GRM5: variants seen among roughly 807,000 people sequenced by gnomAD.
The protein encoded by GRM5 is glutamate metabotropic receptor 5.
GRM5 carries 19 observed loss-of-function variants against 83.1 expected under a neutral mutation model. That is an observed-to-expected ratio of 0.23 (90% CI 0.16 to 0.34). The LOEUF (loss-of-function observed/expected upper bound fraction) is 0.34, where lower values mean the gene tolerates loss of function less well. Ranked by LOEUF, GRM5 falls within the 10% of genes least tolerant of loss-of-function variation. The pLI is 1.00. For synonymous variants in GRM5, 675 were observed against 633.6 expected (o/e 1.07, Z -0.98); for missense variants, 1,160 against 1,588.3 (o/e 0.73, Z 4.58).
chr11:88,783,538 TA>T (rs1267846235), intron 3 of GRM5, among the ~76,000 whole-genome samples: 2 of 152,124 alleles, frequency 1.3e-5, no homozygotes, highest in Non-Finnish European at 2.9e-5. Context: ...GCAAATGTCA[TA>T]GTTTGAGCAG....
chr11:88,723,615 G>C (rs1941602156), intron 3 of GRM5, among the ~76,000 whole-genome samples: 3 of 151,852 alleles, frequency 2.0e-5, no homozygotes, highest in Admixed American at 2.0e-4. Flanking sequence ...AAAGATGTGG[G>C]AAACCTCTGA....
intron 3 of GRM5, among the ~76,000 whole-genome samples, chr11:88,655,076 G>A (rs1939733043): frequency 6.6e-6 from 1 of 152,074 alleles, no homozygotes; most frequent in African/African-American, 2.4e-5. Flanking sequence ...AGTCCTCCAT[G>A]ACAAAAAGAT....
At chr11:88,674,044 C>T (rs943441626) in intron 3 of GRM5, among the ~76,000 whole-genome samples, 15 of 151,844 alleles carry the variant, frequency 9.9e-5, no homozygotes, top group African/African-American at 3.6e-4. Context: ...AGAATCAACA[C>T]ATCTCATTTG....
chr11:88,808,072 T>C (rs1439312431), intron 3 of GRM5, among the ~76,000 whole-genome samples: 1 of 152,038 alleles, frequency 6.6e-6, no homozygotes, highest in Non-Finnish European at 1.5e-5. Context: ...CTATATAATA[T>C]CTACTATTCA....
intron 2 of GRM5, among the ~76,000 whole-genome samples, chr11:88,951,582 T>C (rs1340573661): frequency 6.6e-6 from 1 of 152,192 alleles, no homozygotes; most frequent in African/African-American, 2.4e-5. Context: ...AGAAAGAGCA[T>C]AGTATGGTAG....
At chr11:88,753,190 T>C (rs886656845) in intron 3 of GRM5, among the ~76,000 whole-genome samples, 7 of 152,174 alleles carry the variant, frequency 4.6e-5, no homozygotes, top group African/African-American at 1.7e-4. Flanking sequence ...GGGGAAATTT[T>C]CTGCAATCTA....
At chr11:88,709,232 G>A (rs1297690971) in intron 3 of GRM5, among the ~76,000 whole-genome samples, 4 of 151,882 alleles carry the variant, frequency 2.6e-5, no homozygotes, top group Non-Finnish European at 5.9e-5. Context: ...AGTGGCATGT[G>A]CAAAGACATA....
rs978337125 is a variant in GRM5 at position 88,505,207 on chromosome 11, A to G, written c.*3385T>C. On this transcript the variant is annotated 3_prime_UTR_variant, in exon 10 of 10. Coordinates refer to ENST00000305447, the MANE Select transcript of GRM5 (RefSeq NM_001143831.3). ...CAGTATAAAATTGTAAATGGTAACT[A>G]TAGAGATTCTGACAGCTTGAGGGTT... The G allele has an allele frequency of 8.5e-5, 13 of 152,208 alleles. No homozygotes were observed. The highest frequency in any genetic ancestry group is 2.9e-4 in the African/African-American group (12 of 41,458). 9.4% of individuals were successfully genotyped at this position (152,208 alleles called of 1,614,324 possible).
At chr11:88,984,751 A>T (rs761184888) in intron 2 of GRM5, 1 of 720,170 alleles carries the variant, frequency 1.4e-6, no homozygotes, top group East Asian at 2.6e-5. Flanking sequence ...AAAGAAAGGT[A>T]TTTATTTGAA....
chr11:88,591,782 G>T (rs1937645344), intron 6 of GRM5, among the ~76,000 whole-genome samples: 1 of 152,166 alleles, frequency 6.6e-6, no homozygotes, highest in African/African-American at 2.4e-5. Flanking sequence ...AAAAGGGCCT[G>T]AAATAGCTTT....
At chr11:88,823,821 C>T (rs903217517) in intron 3 of GRM5, among the ~76,000 whole-genome samples, 1 of 152,130 alleles carries the variant, frequency 6.6e-6, no homozygotes, top group South Asian at 2.1e-4. Context: ...GATGTTGGGA[C>T]CTTCAATCCA....
intron 3 of GRM5, among the ~76,000 whole-genome samples, chr11:88,742,064 C>T (rs1365663677): frequency 6.6e-6 from 1 of 152,020 alleles, no homozygotes; most frequent in Non-Finnish European, 1.5e-5. Flanking sequence ...TAGGCTGTGC[C>T]ACAGATATTT....
intron 3 of GRM5, among the ~76,000 whole-genome samples, chr11:88,711,495 C>A (rs187149900): frequency 3.3e-5 from 5 of 152,176 alleles, no homozygotes; most frequent in South Asian, 2.1e-4. Flanking sequence ...GCCTCAAAAT[C>A]CTTTGCCTTC....
intron 2 of GRM5, among the ~76,000 whole-genome samples, chr11:89,001,873 A>G (rs1940393787): frequency 6.6e-6 from 1 of 152,174 alleles, no homozygotes; most frequent in African/African-American, 2.4e-5. Flanking sequence ...AACAAAAACA[A>G]GGTACATATA....
chr11:88,711,879 T>G (rs867704147), intron 3 of GRM5, among the ~76,000 whole-genome samples: 1 of 152,002 alleles, frequency 6.6e-6, no homozygotes, highest in African/African-American at 2.4e-5. Context: ...AGAAAGAGAT[T>G]CCACTTCAAA....
At chr11:88,822,537 T>C (rs531977666) in intron 3 of GRM5, among the ~76,000 whole-genome samples, 4 of 152,300 alleles carry the variant, frequency 2.6e-5, no homozygotes, top group East Asian at 1.9e-4. Context: ...AAGAATAGCA[T>C]GTGCAAATAC....
At chr11:88,778,775 T>C (rs1172514193) in intron 3 of GRM5, among the ~76,000 whole-genome samples, 1 of 152,170 alleles carries the variant, frequency 6.6e-6, no homozygotes, top group Admixed American at 6.5e-5. Flanking sequence ...CTTTAAGTGA[T>C]CTGGATATTT....
At chr11:88,920,029 GA>G (rs1945661341) in intron 2 of GRM5, among the ~76,000 whole-genome samples, 1 of 151,652 alleles carries the variant, frequency 6.6e-6, no homozygotes, top group Non-Finnish European at 1.5e-5. Context: ...AAACTTGGTA[GA>G]AAAAAAGAAA....
intron 2 of GRM5, among the ~76,000 whole-genome samples, chr11:88,887,977 G>T (rs1170098054): frequency 6.6e-6 from 1 of 152,126 alleles, no homozygotes; most frequent in East Asian, 1.9e-4. Flanking sequence ...GCTATTGTGT[G>T]TACCAGCCCT....
Sources: gnomAD v4.1 joint callset for allele counts (sites outside exome capture counted in the v4.1 genomes callset) on GRCh38, gnomAD v4.1.1 for gene constraint, MANE v1.5 for transcripts, NCBI Gene and HGNC (gene_info 2026-07-23, HGNC 2026-07-21) for gene names.